TBC1D14: variants seen among roughly 807,000 people sequenced by gnomAD.
TBC1D14 encodes the protein TBC1 domain family member 14.
TBC1D14 carries 26 observed loss-of-function variants against 79.0 expected under a neutral mutation model. That is an observed-to-expected ratio of 0.33 (90% CI 0.24 to 0.46). The LOEUF (loss-of-function observed/expected upper bound fraction) is 0.46. TBC1D14 is among the 20% of genes least tolerant of loss of function. The pLI is 1.00. For missense variants in TBC1D14, 769 were observed against 887.6 expected (o/e 0.87, Z 1.70); for synonymous variants, 394 against 349.9 (o/e 1.13, Z -1.40).
At chr4:7,021,667 T>C (rs1030489685) in intron 12 of TBC1D14, among the ~76,000 whole-genome samples, 3 of 152,348 alleles carry the variant, frequency 2.0e-5, no homozygotes, top group African/African-American at 7.2e-5. Context: ...ACTTTTTTTT[T>C]TTTTTACTTT....
In TBC1D14 at chr4:6,923,681, G is replaced by T; in HGVS notation, c.292G>T (p.Glu98Ter). 6.2e-7 allele frequency: 1 copy of T among 1,613,742 alleles called. No homozygotes were observed. Among genetic ancestry groups the T allele is most frequent in the Non-Finnish European group, 8.5e-7 (1 of 1,180,016 alleles). ...RKQSDSDLIP[E>*]RAFQSACALP... Reference sequence around the variant, plus strand: ...GCAGTCCGACTCCGACCTCATCCCCGAGCGGGCCTTCCAGAGCGCCTGCGC... The same window carrying T: ...GCAGTCCGACTCCGACCTCATCCCCTAGCGGGCCTTCCAGAGCGCCTGCGC... The change falls in exon 2 of 14, where the codon GAG (glutamate) becomes TAG (stop). Residue 98 changes from glutamate (E) to a stop codon, truncating the protein, a stop_gained. Transcript: ENST00000409757. LOFTEE classifies it high-confidence loss of function.
chr4:6,911,399 T>A (rs1280410388), intron 1 of TBC1D14, among the ~76,000 whole-genome samples: 4 of 152,228 alleles, frequency 2.6e-5, no homozygotes, highest in Non-Finnish European at 4.4e-5. Flanking sequence ...GGATTCAAAC[T>A]GAGGCAGGCT....
chr4:7,009,778 TAGC>T (rs1167843333), intron 9 of TBC1D14, 96 bp from the exon 10 acceptor site: 9 of 1,174,422 alleles, frequency 7.7e-6, no homozygotes, highest in South Asian at 3.7e-5. Flanking sequence ...ATGCTGAAAA[TAGC>T]AGGAGTGGCA....
intron 3 of TBC1D14, among the ~76,000 whole-genome samples, chr4:6,969,228 G>A (rs942701084): frequency 6.6e-6 from 1 of 152,116 alleles, no homozygotes; most frequent in Non-Finnish European, 1.5e-5. Flanking sequence ...AGTATGATGA[G>A]TTTGTATGCA....
At chr4:6,969,877 C>T (rs1014753017) in intron 3 of TBC1D14, among the ~76,000 whole-genome samples, 9 of 152,112 alleles carry the variant, frequency 5.9e-5, no homozygotes, top group East Asian at 3.8e-4. Flanking sequence ...CTTACCTGCG[C>T]GAGTCATTCA....
At chr4:6,974,539 G>T (rs1044370429) in intron 3 of TBC1D14, among the ~76,000 whole-genome samples, 4 of 152,172 alleles carry the variant, frequency 2.6e-5, no homozygotes, top group African/African-American at 9.7e-5. Flanking sequence ...TCATCTCTGG[G>T]ATAGACCACC....
chr4:7,023,975 T>C (rs534331501), intron 12 of TBC1D14, among the ~76,000 whole-genome samples: 7 of 152,336 alleles, frequency 4.6e-5, no homozygotes, highest in South Asian at 4.1e-4. Flanking sequence ...AAGGTTCTGA[T>C]GAGGGACAGC....
Position 7,030,449 on chromosome 4 carries a change from T to C in TBC1D14, c.*57T>C. On this transcript the variant is annotated 3_prime_UTR_variant, in exon 14 of 14. Transcript: ENST00000409757. ...TCAGAGCCCCATGCCGCGGCCCCTCTGTTGTTTCAGACTGACACCCGGGCA... is the reference window on the plus strand; with the variant it reads ...TCAGAGCCCCATGCCGCGGCCCCTCCGTTGTTTCAGACTGACACCCGGGCA... 1 of 1,587,268 alleles carries C rather than the reference T, an allele frequency of 6.3e-7. No individual in the cohort carries two copies. The highest frequency in any genetic ancestry group is 8.6e-7 in the Non-Finnish European group (1 of 1,157,164).
intron 2 of TBC1D14, among the ~76,000 whole-genome samples, chr4:6,934,015 G>A (rs1712051222): frequency 6.6e-6 from 1 of 152,196 alleles, no homozygotes; most frequent in South Asian, 2.1e-4. Context: ...GAGTTGCCAA[G>A]TTGGAGTGAA....
Position 7,030,438 on chromosome 4 carries a change from C to A in TBC1D14, c.*46C>A, listed in dbSNP as rs374769038. On this transcript the variant is annotated 3_prime_UTR_variant, in exon 14 of 14. Coordinates refer to ENST00000409757, the MANE Select transcript of TBC1D14 (RefSeq NM_020773.3). ...CTCGGCACCAATCAGAGCCCCATGC[C>A]GCGGCCCCTCTGTTGTTTCAGACTG... is the stretch of plus-strand genomic sequence containing the variant. 128 of 1,599,850 alleles carry A rather than the reference C, an allele frequency of 8.0e-5. No individual in the cohort carries two copies. The Middle Eastern group carries it at 8.6e-4, about 11-fold the overall frequency.
intron 7 of TBC1D14, among the ~76,000 whole-genome samples, chr4:7,004,008 G>A (rs188425097): frequency 1.8e-4 from 28 of 151,812 alleles, no homozygotes; most frequent in Non-Finnish European, 2.8e-4. Flanking sequence ...ACTCCATCTC[G>A]GAAAAAAAAA....
At chr4:6,986,534 T>C (rs1207375156) in intron 3 of TBC1D14, among the ~76,000 whole-genome samples, 1 of 152,196 alleles carries the variant, frequency 6.6e-6, no homozygotes, top group Non-Finnish European at 1.5e-5. Context: ...GATTTGGTAG[T>C]TCTGAATCCC....
At chr4:7,009,793 C>A (rs878864558) in intron 9 of TBC1D14, 84 bp from the exon 10 acceptor site, 2 of 1,337,026 alleles carry the variant, frequency 1.5e-6, no homozygotes, top group Admixed American at 1.7e-5. Context: ...GGAGTGGCAG[C>A]GGCAGCAGTA....
rs1722990047 is a variant in TBC1D14 at position 7,031,000 on chromosome 4, T to G, written c.*608T>G. The G allele has an allele frequency of 6.5e-6, 1 of 152,926 alleles. No homozygotes were observed. The highest frequency in any genetic ancestry group is 2.1e-4 in the South Asian group (1 of 4,856). 9.5% of individuals were successfully genotyped at this position (152,926 alleles called of 1,614,324 possible). Reference sequence around the variant, plus strand: ...AGGTGAGCTCTGGGCCATGTTGCCTTGACACAGTCACAGTGTAGAGGCTGC... The same window carrying G: ...AGGTGAGCTCTGGGCCATGTTGCCTGGACACAGTCACAGTGTAGAGGCTGC... On this transcript the variant is annotated 3_prime_UTR_variant, in exon 14 of 14. Transcript: ENST00000409757.
intron 2 of TBC1D14, among the ~76,000 whole-genome samples, chr4:6,927,917 G>A (rs1724416097): frequency 6.6e-6 from 1 of 152,232 alleles, no homozygotes; most frequent in Non-Finnish European, 1.5e-5. Flanking sequence ...GGGATCATAT[G>A]AGCCCAGTGT....
At chr4:6,996,466 G>A in intron 5 of TBC1D14, 59 bp downstream of exon 5, 2 of 1,336,604 alleles carry the variant, frequency 1.5e-6, no homozygotes, top group Non-Finnish European at 1.1e-6. Flanking sequence ...TGTCTTTCTG[G>A]TTATTTTCTT....
intron 2 of TBC1D14, among the ~76,000 whole-genome samples, chr4:6,956,833 G>T (rs3892978): frequency 0.015 from 2,322 of 152,328 alleles, 16 homozygotes; most frequent in Middle Eastern, 0.037. Context: ...CTCAGGTGTG[G>T]GGGCCTTCTC....
At position 6,988,885 on chromosome 4, in the gene TBC1D14, CTTTTTTTTTTTT is replaced by C. The variant is rs34268749; in HGVS notation, c.844-5287_844-5276del. ...TTCTTTTTTCTTTCTTTCTTTCTTT[CTTTTTTTTTTTT>C]TTTTTTTTTTTGAGACAGGGTCTTG... is the stretch of plus-strand genomic sequence containing the variant. On this transcript the variant is annotated intron_variant, in intron 3 of 13. Transcript: ENST00000409757. Among the ~76,000 whole-genome samples the C allele has an allele frequency of 1.9e-3, 145 of 76,826 alleles. 1 individual carries two copies. The highest frequency in any genetic ancestry group is 7.4e-4 in the Non-Finnish European group (32 of 43,332). 50.4% of individuals were successfully genotyped at this position (76,826 alleles called of 152,430 possible).
At chr4:7,027,519 AC>A (rs1174766554) in intron 13 of TBC1D14, among the ~76,000 whole-genome samples, 8 of 139,368 alleles carry the variant, frequency 5.7e-5, no homozygotes, top group Admixed American at 2.2e-4. Flanking sequence ...ACACCCAGTC[AC>A]CCCACACACA....
Sources: allele counts gnomAD v4.1 joint callset (sites outside exome capture counted in the v4.1 genomes callset), GRCh38; gene constraint gnomAD v4.1.1; transcripts MANE v1.5; gene names NCBI Gene and HGNC (gene_info 2026-07-23, HGNC 2026-07-21).